The following XPR1 variants were observed in gnomAD, a reference collection of about 807,000 sequenced individuals.
XPR1 encodes the protein xenotropic and polytropic retrovirus receptor 1.
Under a neutral mutation model 87.5 loss-of-function variants are expected in XPR1, and 28 were observed. The ratio of observed to expected loss-of-function variants is 0.32; its 90% CI spans 0.24 to 0.44. The LOEUF is 0.44. Ranked by LOEUF, XPR1 falls within the 20% of genes least tolerant of loss-of-function variation. The pLI is 1.00. For missense variants in XPR1, 559 were observed against 862.3 expected, an observed-to-expected ratio of 0.65 and a Z score of 4.41; for synonymous variants, 300 against 306.1, an observed-to-expected ratio of 0.98 and a Z score of 0.21.
At chr1:180,855,905 C>T (rs921665784) in intron 11 of XPR1, among the ~76,000 whole-genome samples, 3 of 152,144 alleles carry the variant, frequency 2.0e-5, no homozygotes, top group Non-Finnish European at 4.4e-5. Flanking sequence ...TGTCCTTCCT[C>T]CTGTGCACTG....
intron 1 of XPR1, among the ~76,000 whole-genome samples, chr1:180,635,055 T>G (rs1654718659): frequency 6.6e-6 from 1 of 152,092 alleles, no homozygotes. Context: ...TTATTAATGA[T>G]AATAACCCAT....
chr1:180,683,581 G>T (rs189628182), intron 2 of XPR1, among the ~76,000 whole-genome samples: 60 of 152,134 alleles, frequency 3.9e-4, no homozygotes, highest in African/African-American at 1.3e-3. Context: ...TGGTCCCACC[G>T]ACAGTGTAAA....
At chr1:180,664,545 A>C (rs745432559) in intron 1 of XPR1, among the ~76,000 whole-genome samples, 1 of 151,804 alleles carries the variant, frequency 6.6e-6, no homozygotes, top group Non-Finnish European at 1.5e-5. Flanking sequence ...ACTCTTCCCT[A>C]CCCTCTCTTC....
At chr1:180,649,334 AG>A (rs1188014502) in intron 1 of XPR1, among the ~76,000 whole-genome samples, 1 of 151,992 alleles carries the variant, frequency 6.6e-6, no homozygotes, top group Admixed American at 6.5e-5. Context: ...CGGGAGGCTG[AG>A]GCACGAGAAT....
At chr1:180,761,004 A>C (rs560665110) in intron 2 of XPR1, among the ~76,000 whole-genome samples, 1 of 152,144 alleles carries the variant, frequency 6.6e-6, no homozygotes, top group Non-Finnish European at 1.5e-5. Flanking sequence ...TGACAAAAAC[A>C]AGCAATGGGG....
chr1:180,866,729 AATC>A (rs1229051591), intron 12 of XPR1, among the ~76,000 whole-genome samples: 4 of 152,328 alleles, frequency 2.6e-5, no homozygotes, highest in East Asian at 1.9e-4. Context: ...AATTTATCAT[AATC>A]ATCAGTCAGT....
chr1:180,853,791 GTTTT>G (rs374408714), intron 11 of XPR1, among the ~76,000 whole-genome samples: 8 of 109,446 alleles, frequency 7.3e-5, no homozygotes, highest in African/African-American at 2.1e-4. Context: ...CATTCATGTG[GTTTT>G]TTTTTTTTTT....
chr1:180,810,806 T>C (rs985530171), intron 6 of XPR1, among the ~76,000 whole-genome samples: 1 of 150,378 alleles, frequency 6.6e-6, no homozygotes, highest in African/African-American at 2.4e-5. Flanking sequence ...TATGTATATA[T>C]GTGTATATAT....
chr1:180,702,043 G>A (rs1372645601), intron 2 of XPR1, among the ~76,000 whole-genome samples: 4 of 83,396 alleles, frequency 4.8e-5, no homozygotes, highest in South Asian at 8.6e-4. Context: ...TGTCAATTTT[G>A]GATCTTTCCT....
chr1:180,822,647 C>T (rs1166085182), intron 7 of XPR1, among the ~76,000 whole-genome samples: 1 of 152,090 alleles, frequency 6.6e-6, no homozygotes, highest in Non-Finnish European at 1.5e-5. Flanking sequence ...GAAAAAGAAA[C>T]TAATATATAC....
intron 11 of XPR1, among the ~76,000 whole-genome samples, chr1:180,858,791 A>C (rs2102200896): frequency 6.6e-6 from 1 of 152,300 alleles, no homozygotes; most frequent in East Asian, 1.9e-4. Flanking sequence ...TGTCTGCCCT[A>C]AGGATAAAGA....
intron 13 of XPR1, among the ~76,000 whole-genome samples, chr1:180,877,746 A>T (rs2102223813): frequency 6.6e-6 from 1 of 152,348 alleles, no homozygotes; most frequent in South Asian, 2.1e-4. Flanking sequence ...TTATCTTAAA[A>T]AAAAAAGGCA....
intron 11 of XPR1, among the ~76,000 whole-genome samples, chr1:180,859,333 T>G (rs1441445309): frequency 6.6e-6 from 1 of 152,174 alleles, no homozygotes; most frequent in Non-Finnish European, 1.5e-5. Flanking sequence ...TGGATACCAT[T>G]GCCATAAATA....
rs538882754 is a variant in XPR1 at position 180,841,743 on chromosome 1, A to G, written c.1501+5027A>G. Among the ~76,000 whole-genome samples the G allele has an allele frequency of 1.3e-3, 203 of 152,308 alleles. 2 individuals carry two copies. The highest frequency in any genetic ancestry group is 1.8e-4 in the Non-Finnish European group (12 of 68,022). ...CAAAGTTTTTTAAAAACCAGAAACA[A>G]AAACACTTTTTAGATGGACCATTGG... On this transcript the variant is annotated intron_variant, in intron 11 of 14. Coordinates refer to ENST00000367590, the MANE Select transcript of XPR1 (RefSeq NM_004736.4).
At chr1:180,794,843 T>C (rs1054429458) in intron 3 of XPR1, among the ~76,000 whole-genome samples, 28 of 152,192 alleles carry the variant, frequency 1.8e-4, no homozygotes, top group African/African-American at 6.8e-4. Flanking sequence ...AGGCTGAAGT[T>C]GTAAGATATT....
At position 180,874,686 on chromosome 1, in the gene XPR1, G is replaced by A. The variant is rs190172849; in HGVS notation, c.1808+744G>A. Among the ~76,000 whole-genome samples the A allele has an allele frequency of 3.0e-3, 457 of 151,118 alleles. 3 individuals are homozygous for A. Among genetic ancestry groups the A allele is most frequent in the African/African-American group, 0.01 (412 of 41,188 alleles). On this transcript the variant is annotated intron_variant, in intron 13 of 14. Transcript: ENST00000367590. ...ACCTGGGCAACAAGAGCAAAACTCC[G>A]TCTCAAAAAAAAAAGTGTTTAAATA...
intron 7 of XPR1, among the ~76,000 whole-genome samples, chr1:180,823,385 G>A (rs6668578): frequency 0.043 from 6,557 of 152,212 alleles, 506 homozygotes; most frequent in African/African-American, 0.15. Context: ...TTGATTCAGT[G>A]AATTTATGAA....
chr1:180,726,913 C>T (rs1381654312), intron 2 of XPR1, among the ~76,000 whole-genome samples: 2 of 149,652 alleles, frequency 1.3e-5, no homozygotes, highest in Non-Finnish European at 3.0e-5. Flanking sequence ...CTCGCTTTGG[C>T]GCCTAGGCTG....
intron 2 of XPR1, among the ~76,000 whole-genome samples, chr1:180,695,709 T>G (rs12240182): frequency 0.03 from 4,508 of 152,272 alleles, 146 homozygotes; most frequent in African/African-American, 0.079. Flanking sequence ...CAGTGTATGT[T>G]CTGGAGCCTT....
Sources: gnomAD v4.1 joint callset for allele counts (sites outside exome capture counted in the v4.1 genomes callset) on GRCh38, gnomAD v4.1.1 for gene constraint, MANE v1.5 for transcripts, NCBI Gene and HGNC (gene_info 2026-07-23, HGNC 2026-07-21) for gene names.